Variants in SEMA6A observed in about 807,000 individuals in gnomAD.
The protein encoded by SEMA6A is semaphorin 6A.
Under a neutral mutation model 96.8 loss-of-function variants are expected in SEMA6A, and 25 were observed. That is an observed-to-expected ratio of 0.26 (90% confidence interval 0.19 to 0.36). The LOEUF (loss-of-function observed/expected upper bound fraction) is 0.36. SEMA6A is among the 10% of genes least tolerant of loss of function. SEMA6A has a pLI of 1.00. For missense variants in SEMA6A, 1,363 were observed against 1,323.1 expected (o/e 1.03, Z -0.47); for synonymous variants, 612 against 518.0 (o/e 1.18, Z -2.46).
chr5:116,544,393 C>T (rs1005244335), intron 1 of SEMA6A, among the ~76,000 whole-genome samples: 2 of 151,998 alleles, frequency 1.3e-5, no homozygotes, highest in Non-Finnish European at 2.9e-5. Context: ...TGGGCTCAAG[C>T]AATCCTCCCA....
At position 116,447,699 on chromosome 5, in the gene SEMA6A, G is replaced by A. The variant is rs777859044; in HGVS notation, c.2007C>T (p.Thr669=). The A allele has an allele frequency of 2.5e-6, 4 of 1,614,014 alleles. No homozygotes were observed. Among genetic ancestry groups the A allele is most frequent in the South Asian group, 1.1e-5 (1 of 91,090 alleles). Residue 669 remains threonine (T), a synonymous_variant, in exon 19 of 19, where the codon ACC becomes ACT. Transcript: ENST00000343348. ...FVMGAVFSGI[T]VYCVCDHRRK... is the part of the protein sequence containing the mutation. ...GCCGATGATCACAGACGCAGTAGAC[G>A]GTGATGCCCGAGAAGACGGCCCCCA...
At chr5:116,497,633 C>G (rs976286112) in intron 3 of SEMA6A, among the ~76,000 whole-genome samples, 1 of 152,232 alleles carries the variant, frequency 6.6e-6, no homozygotes, top group Non-Finnish European at 1.5e-5. Context: ...TAGCTCTTCT[C>G]TCTGACACTA....
chr5:116,452,254 C>A (rs930578864), intron 18 of SEMA6A, among the ~76,000 whole-genome samples: 1 of 152,176 alleles, frequency 6.6e-6, no homozygotes, highest in Non-Finnish European at 1.5e-5. Flanking sequence ...TTGAAAAATC[C>A]TTTGCATTGA....
At chr5:116,453,296 G>C (rs1351902177) in intron 18 of SEMA6A, among the ~76,000 whole-genome samples, 1 of 152,166 alleles carries the variant, frequency 6.6e-6, no homozygotes, top group African/African-American at 2.4e-5. Context: ...TTAGGGCTCA[G>C]CTTAAATGGG....
At chr5:116,455,848 G>T (rs549764130) in intron 18 of SEMA6A, among the ~76,000 whole-genome samples, 4 of 152,152 alleles carry the variant, frequency 2.6e-5, no homozygotes, top group Admixed American at 6.5e-5. Context: ...ATAGCTAACT[G>T]TGTGACTTTG....
At chr5:116,493,877 T>C (rs1757451009) in intron 6 of SEMA6A, among the ~76,000 whole-genome samples, 1 of 152,174 alleles carries the variant, frequency 6.6e-6, no homozygotes, top group Admixed American at 6.5e-5. Flanking sequence ...TCTATTCATG[T>C]CCTATAGGCA....
At chr5:116,548,707 A>G (rs1247559721) in intron 1 of SEMA6A, among the ~76,000 whole-genome samples, 2 of 152,226 alleles carry the variant, frequency 1.3e-5, no homozygotes, top group Non-Finnish European at 2.9e-5. Flanking sequence ...AGAAGAGATA[A>G]GAAGACAACC....
chr5:116,475,434 G>A (rs764157872), intron 16 of SEMA6A, 111 bp downstream of exon 16: 61 of 622,274 alleles, frequency 9.8e-5, no homozygotes, highest in East Asian at 3.0e-4. Flanking sequence ...CGTCATTTAC[G>A]CATGCTTTAG....
At chr5:116,450,056 C>T (rs1754524507) in intron 18 of SEMA6A, among the ~76,000 whole-genome samples, 1 of 152,182 alleles carries the variant, frequency 6.6e-6, no homozygotes, top group Non-Finnish European at 1.5e-5. Flanking sequence ...TTTGCATTTC[C>T]TTATTATGCT....
At chr5:116,528,644 C>T (rs1759333259) in intron 1 of SEMA6A, among the ~76,000 whole-genome samples, 2 of 152,178 alleles carry the variant, frequency 1.3e-5, no homozygotes, top group African/African-American at 2.4e-5. Context: ...GCTTAACAGC[C>T]GCCAAGCTTC....
chr5:116,473,054 A>G lies in SEMA6A; in HGVS notation c.1729+19T>C, dbSNP rs1259065405. 1.9e-6 allele frequency: 3 copies of G among 1,587,722 alleles called. No homozygotes were observed. The highest frequency in any genetic ancestry group is 2.3e-5 in the South Asian group (2 of 86,834). ...AGGTTTCCACCAGTATGGAATTATG[A>G]GAGTAATATCTTCCTTACCATTCAG... On this transcript the variant is annotated intron_variant, in intron 17 of 18. Coordinates refer to ENST00000343348, the MANE Select transcript of SEMA6A (RefSeq NM_020796.5).
chr5:116,478,188 G>A (rs762697291), intron 13 of SEMA6A, 34 bp from the exon 14 acceptor site: 4 of 1,607,344 alleles, frequency 2.5e-6, no homozygotes, highest in African/African-American at 2.7e-5. Context: ...ATCATTAATA[G>A]ACTCTTCTCT....
intron 1 of SEMA6A, among the ~76,000 whole-genome samples, chr5:116,516,962 C>T (rs780702846): frequency 1.3e-5 from 2 of 152,220 alleles, no homozygotes; most frequent in African/African-American, 2.4e-5. Flanking sequence ...TGCCCTGAGG[C>T]TCCTTAAGTT....
chr5:116,481,699 G>C (rs186988257), intron 11 of SEMA6A, among the ~76,000 whole-genome samples: 1 of 152,174 alleles, frequency 6.6e-6, no homozygotes, highest in Non-Finnish European at 1.5e-5. Flanking sequence ...ATGGAGGTGT[G>C]AGTGCGTGCC....
At chr5:116,540,897 G>T (rs189960960) in intron 1 of SEMA6A, among the ~76,000 whole-genome samples, 2 of 152,302 alleles carry the variant, frequency 1.3e-5, no homozygotes, top group East Asian at 1.9e-4. Context: ...ACAGGAAAAA[G>T]TCTTGTGTAA....
chr5:116,496,057 C>T, intron 5 of SEMA6A, 194 bp downstream of exon 5: 1 of 527,046 alleles, frequency 1.9e-6, no homozygotes, highest in Non-Finnish European at 3.4e-6. Flanking sequence ...GGCCTAGCAG[C>T]TGTTGTAATG....
chr5:116,497,839 CTT>C (rs1378849203), intron 3 of SEMA6A, among the ~76,000 whole-genome samples: 52 of 152,342 alleles, frequency 3.4e-4, no homozygotes, highest in African/African-American at 1.2e-3. Context: ...CGCCCTCTCT[CTT>C]TTGAAAATAT....
At chr5:116,496,896 A>AT (rs1420076409) in intron 4 of SEMA6A, among the ~76,000 whole-genome samples, 1 of 152,222 alleles carries the variant, frequency 6.6e-6, no homozygotes, top group African/African-American at 2.4e-5. Flanking sequence ...GTTATACTTT[A>AT]TGTCTGTCTG....
chr5:116,538,580 T>A (rs1180965707), intron 1 of SEMA6A, among the ~76,000 whole-genome samples: 4 of 152,186 alleles, frequency 2.6e-5, no homozygotes, highest in African/African-American at 9.7e-5. Flanking sequence ...GAACAGAATT[T>A]CAATTAGATG....
Sources: allele counts gnomAD v4.1 joint callset (sites outside exome capture counted in the v4.1 genomes callset), GRCh38; gene constraint gnomAD v4.1.1; transcripts MANE v1.5; gene names NCBI Gene and HGNC (gene_info 2026-07-23, HGNC 2026-07-21).